Variants in HAGH observed in about 807,000 individuals in gnomAD.
HAGH encodes the protein hydroxyacylglutathione hydrolase.
A neutral mutation model predicts 35.1 loss-of-function variants in HAGH; 29 were observed. The observed-to-expected ratio is 0.83, with a 90% CI of 0.62 to 1.13. HAGH has a LOEUF of 1.13. HAGH is among the 50% of genes most tolerant of loss of function. HAGH has a pLI of 0.00. For missense variants in HAGH, 478 were observed against 419.6 expected (o/e 1.14, Z -1.22); for synonymous variants, 225 against 176.1 (o/e 1.28, Z -2.20).
At position 1,823,048 on chromosome 16, in the gene HAGH, A is replaced by G. The variant is rs748367366; in HGVS notation, c.77-11T>C. On this transcript the variant is annotated splice_polypyrimidine_tract_variant and intron_variant, in intron 1 of 8. Coordinates refer to ENST00000397356, the MANE Select transcript of HAGH (RefSeq NM_005326.6). Reference sequence around the variant, plus strand: ...CCAGCAGGGCTGGACCTGCAGACACAGAGCACAACTCAGCGGGCAGCCGCG... The same window carrying G: ...CCAGCAGGGCTGGACCTGCAGACACGGAGCACAACTCAGCGGGCAGCCGCG... 7 of 1,612,812 alleles carry G rather than the reference A, an allele frequency of 4.3e-6. No individual in the cohort carries two copies. The South Asian group carries it at 5.5e-5, about 13-fold the overall frequency.
rs373696971 is a variant in HAGH at position 1,809,876 on chromosome 16, A to G, written c.748-43T>C. 262 of 1,467,822 alleles carry G rather than the reference A, an allele frequency of 1.8e-4. 1 individual carries two copies. Among genetic ancestry groups the G allele is most frequent in the Non-Finnish European group, 2.4e-4 (252 of 1,047,016 alleles). The allele number at this position is 1,467,822 out of a possible 1,614,324, so 90.9% of individuals were successfully genotyped here. A position where few individuals can be genotyped will look rare whatever the true frequency, so the allele number is the denominator to read the frequency against. On this transcript the variant is annotated intron_variant, in intron 7 of 8. Transcript: ENST00000397356. ...CACTTTATCACGGGAACTTCACAGG[A>G]TGGCAGACCAGGCACGGAGGCTCAC...
rs1295696188 is a variant in HAGH, at chr16:1,823,156, GT to G, written c.77-120del. ...CTTTGAAAAGGAATATTCTGGCCAG[GT>G]ATGGTGGTTCTTGCCGGGAATCCCA... On this transcript the variant is annotated intron_variant, in intron 1 of 8. Transcript: ENST00000397356. 4 of 843,010 alleles carry G rather than the reference GT, an allele frequency of 4.7e-6. No homozygotes were observed. The Admixed American group carries it at 8.4e-5, about 18-fold the overall frequency. The allele number at this position is 843,010 out of a possible 1,614,324, so 52.2% of individuals were successfully genotyped here.
intron 7 of HAGH, among the ~76,000 whole-genome samples, chr16:1,814,888 A>C (rs1236160505): frequency 6.6e-6 from 1 of 151,572 alleles, no homozygotes; most frequent in Non-Finnish European, 1.5e-5. Flanking sequence ...ACAGAGCAAG[A>C]CTTTGTCTCA....
intron 7 of HAGH, among the ~76,000 whole-genome samples, chr16:1,815,259 A>G (rs981194479): frequency 6.6e-6 from 1 of 152,218 alleles, no homozygotes; most frequent in Non-Finnish European, 1.5e-5. Flanking sequence ...GGGACTGTAG[A>G]ACAGTACAAC....
At chr16:1,810,747 A>T (rs1354729187) in intron 7 of HAGH, 1 of 152,312 alleles carries the variant, frequency 6.6e-6, no homozygotes, top group Non-Finnish European at 1.5e-5. Context: ...GCACAGGCTC[A>T]AGACCACCGC....
At chr16:1,823,482 T>C (rs572721637) in intron 1 of HAGH, among the ~76,000 whole-genome samples, 1 of 151,922 alleles carries the variant, frequency 6.6e-6, no homozygotes, top group Non-Finnish European at 1.5e-5. Context: ...TTAGCCAGGA[T>C]GGTCTCGATC....
At chr16:1,823,929 C>A (rs1898275801) in intron 1 of HAGH, among the ~76,000 whole-genome samples, 1 of 152,078 alleles carries the variant, frequency 6.6e-6, no homozygotes, top group African/African-American at 2.4e-5. Flanking sequence ...GAACCACTGC[C>A]AGTGCTGGAT....
intron 7 of HAGH, chr16:1,810,583 G>C (rs1038010597): frequency 2.0e-5 from 3 of 152,894 alleles, no homozygotes; most frequent in Admixed American, 1.3e-4. Flanking sequence ...GTGGGGGCGG[G>C]GGGAGGAGAA....
intron 7 of HAGH, among the ~76,000 whole-genome samples, chr16:1,813,667 A>G (rs1897762881): frequency 6.6e-6 from 1 of 152,232 alleles, no homozygotes; most frequent in South Asian, 2.1e-4. Flanking sequence ...AACAGTCCCA[A>G]TCAGCAGCCA....
At chr16:1,821,982 G>A (rs112154125) in intron 3 of HAGH, 5 of 273,050 alleles carry the variant, frequency 1.8e-5, no homozygotes, top group African/African-American at 1.2e-4. Context: ...CCACTCACCT[G>A]TAGACTCATT....
chr16:1,818,066 A>C (rs758085561), intron 5 of HAGH, among the ~76,000 whole-genome samples: 1 of 152,154 alleles, frequency 6.6e-6, no homozygotes, highest in Non-Finnish European at 1.5e-5. Flanking sequence ...AGGGCCCTAG[A>C]CCTCGAGTCT....
At position 1,814,935 on chromosome 16, in the gene HAGH, AC is replaced by A. The variant is rs1199613447; in HGVS notation, c.747+1957del. Reference sequence around the variant, plus strand: ...AATAAATATATATATGTATATACACACACACACACACACACACACACATATA... The same window carrying A: ...AATAAATATATATATGTATATACACAACACACACACACACACACACATATA... On this transcript the variant is annotated intron_variant, in intron 7 of 8. Transcript: ENST00000397356. Among the ~76,000 whole-genome samples the A allele has an allele frequency of 6.5e-5, 9 of 139,510 alleles. No homozygotes were observed. The East Asian group carries it at 1.0e-3, about 16-fold the overall frequency. 91.5% of individuals were successfully genotyped at this position (139,510 alleles called of 152,430 possible). A position where few individuals can be genotyped will look rare whatever the true frequency, so the allele number is the denominator to read the frequency against.
chr16:1,809,680 G>T, intron 8 of HAGH, 74 bp downstream of exon 8: 1 of 1,087,050 alleles, frequency 9.2e-7, no homozygotes, highest in Non-Finnish European at 1.4e-6. Flanking sequence ...GGTCTCGGAC[G>T]TACCGGCTGT....
chr16:1,819,836 C>CCCCCCT (rs1898067034), intron 4 of HAGH, 61 bp downstream of exon 4: 4 of 1,010,522 alleles, frequency 4.0e-6, no homozygotes, highest in East Asian at 2.4e-5. Context: ...CGGGGAGGGA[C>CCCCCCT]CCCCCTCCCC....
chr16:1,826,491 G>A (rs1898428399), intron 1 of HAGH: 15 of 930,952 alleles, frequency 1.6e-5, no homozygotes, highest in Admixed American at 6.3e-5. Flanking sequence ...GCGGACGCAG[G>A]CCTGGCCCTG....
Position 1,822,438 on chromosome 16 carries a change from G to A in HAGH, c.250-74C>T, listed in dbSNP as rs1318994717. On this transcript the variant is annotated intron_variant, in intron 2 of 8. Transcript: ENST00000397356. The stretch of plus-strand genomic sequence containing the variant: ...GGCTTGCTGGCCTATATGGTAGGGT[G>A]CCCAGCAGAACCCAGGACACGCCAT... The A allele has an allele frequency of 6.1e-6, 7 of 1,142,028 alleles. No homozygotes were observed. The East Asian group carries it at 1.6e-4, about 27-fold the overall frequency. 70.7% of individuals were successfully genotyped at this position (1,142,028 alleles called of 1,614,324 possible).
rs1332547610 is a variant in HAGH, at chr16:1,809,752, A to G, written c.827+2T>C. On this transcript the variant is annotated splice_donor_variant, in intron 8 of 8. Transcript: ENST00000397356. LOFTEE classifies it high-confidence loss of function. The stretch of plus-strand genomic sequence containing the variant: ...GCGCCCACCACCTGCCCTGGGCCTC[A>G]CCTCACTCTCATGAAGGGGTTGTAG... 1 of 1,607,660 alleles carries G rather than the reference A, an allele frequency of 6.2e-7. No homozygotes were observed. The highest frequency in any genetic ancestry group is 1.7e-5 in the Admixed American group (1 of 59,984).
intron 7 of HAGH, among the ~76,000 whole-genome samples, 158 bp downstream of exon 7, chr16:1,816,735 G>T (rs149657510): frequency 6.6e-6 from 1 of 152,220 alleles, no homozygotes; most frequent in African/African-American, 2.4e-5. Context: ...AGAACCCCTG[G>T]GTTTGCCGTG....
At position 1,809,335 on chromosome 16, in the gene HAGH, G is replaced by A; in HGVS notation, c.875C>T (p.Thr292Ile). 8 of 1,613,730 alleles carry A rather than the reference G, an allele frequency of 5.0e-6. No individual in the cohort carries two copies. The highest frequency in any genetic ancestry group is 6.8e-6 in the Non-Finnish European group (8 of 1,179,930). The stretch of plus-strand genomic sequence containing the variant: ...CTTCTCCCTGCGCACGGCCCGCATG[G>A]TGGTCACCGGGTCCGTCTCACCTGC... ...QHAGETDPVT[T>I]MRAVRREKDQ... The change falls in exon 9 of 9, where the codon ACC becomes ATC. Residue 292 changes from threonine to isoleucine, a missense_variant. By Grantham distance (89) the Thr-to-Ile change is moderately conservative. Coordinates refer to ENST00000397356, the MANE Select transcript of HAGH (RefSeq NM_005326.6).
Sources: gnomAD v4.1 joint callset for allele counts (sites outside exome capture counted in the v4.1 genomes callset) on GRCh38, gnomAD v4.1.1 for gene constraint, MANE v1.5 for transcripts, NCBI Gene and HGNC (gene_info 2026-07-23, HGNC 2026-07-21) for gene names.